Variants in GSN observed in about 807,000 individuals in gnomAD.
GSN encodes gelsolin, also known as actin-depolymerizing factor.
In GSN, 56 loss-of-function variants were observed where a neutral mutation model predicts 85.7. The ratio of observed to expected loss-of-function variants is 0.65; its 90% CI spans 0.53 to 0.82. GSN has a LOEUF of 0.82. Among genes scored for constraint, GSN ranks in the 40% least tolerant of loss-of-function variants. GSN has a pLI of 0.00. For synonymous variants in GSN, 373 were observed against 399.1 expected (o/e 0.93, Z 0.78); for missense variants, 857 against 979.8 (o/e 0.87, Z 1.67).
At chr9:121,288,145 T>TTGAACTCC (rs2058337102) in intron 2 of GSN, among the ~76,000 whole-genome samples, 2 of 152,128 alleles carry the variant, frequency 1.3e-5, no homozygotes, top group African/African-American at 4.8e-5. Flanking sequence ...CAGGCTGATC[T>TTGAACTCC]TGAACTCCTG....
At chr9:121,264,808 G>T (rs1317220690), upstream of GSN, among the ~76,000 whole-genome samples, 1 of 152,154 alleles carries the variant, frequency 6.6e-6, no homozygotes, top group Non-Finnish European at 1.5e-5. Context: ...AGCCAGGTTT[G>T]TGCAGTAGGA....
At chr9:121,218,438 C>A (rs2054107696) in intron 4 of GSN, among the ~76,000 whole-genome samples, 1 of 152,102 alleles carries the variant, frequency 6.6e-6, no homozygotes, top group African/African-American at 2.4e-5. Context: ...GGTTCAAGAC[C>A]AGCCTGGCCA....
At chr9:121,313,579 TC>T in intron 6 of GSN, 1 of 357,944 alleles carries the variant, frequency 2.8e-6, no homozygotes, top group Non-Finnish European at 5.4e-6. Flanking sequence ...AATCTGTGCC[TC>T]CTGGCCTGGC....
intron 4 of GSN, among the ~76,000 whole-genome samples, chr9:121,228,350 T>G (rs1327558941): frequency 6.7e-6 from 1 of 148,648 alleles, no homozygotes; most frequent in Non-Finnish European, 1.5e-5. Context: ...TTGTTGAGCA[T>G]CTACTGTGTG....
chr9:121,235,209 G>T (rs113561738), intron 5 of GSN, among the ~76,000 whole-genome samples: 3,631 of 152,286 alleles, frequency 0.024, 61 homozygotes, highest in Non-Finnish European at 0.038. Context: ...TTTCCATCTG[G>T]CCAGAGAAAA....
chr9:121,251,275 G>C (rs932355077), intron 6 of GSN, among the ~76,000 whole-genome samples: 2 of 132,914 alleles, frequency 1.5e-5, no homozygotes, highest in Middle Eastern at 5.1e-3. Context: ...TCCGTCTCCC[G>C]GGTTCAAGTG....
At chr9:121,305,887 C>A (rs1015728725) in intron 4 of GSN, among the ~76,000 whole-genome samples, 4 of 152,214 alleles carry the variant, frequency 2.6e-5, no homozygotes, top group African/African-American at 9.6e-5. Flanking sequence ...AGGAGCAGGG[C>A]TTGTTATGCA....
intron 10 of GSN, among the ~76,000 whole-genome samples, chr9:121,320,856 A>T (rs868550083): frequency 7.9e-5 from 12 of 152,088 alleles, no homozygotes; most frequent in Admixed American, 1.3e-4. Context: ...AGGTACTATG[A>T]TTATCCCCAT....
chr9:121,287,472 G>C (rs1465143251), intron 2 of GSN, among the ~76,000 whole-genome samples: 1 of 152,062 alleles, frequency 6.6e-6, no homozygotes, highest in Non-Finnish European at 1.5e-5. Flanking sequence ...GAGGCTAGGG[G>C]TGGGGCCTGG....
At chr9:121,226,615 C>T (rs1408636211) in intron 4 of GSN, among the ~76,000 whole-genome samples, 1 of 152,198 alleles carries the variant, frequency 6.6e-6, no homozygotes, top group Admixed American at 6.5e-5. Flanking sequence ...TGGCACAGAG[C>T]TCCTAAAATT....
At chr9:121,202,760 C>A in the GSN span, among the ~76,000 whole-genome samples, 340 of 152,266 alleles carry the variant, frequency 2.2e-3, no homozygotes, top group Non-Finnish European at 3.6e-3. Flanking sequence ...TTGATATAAA[C>A]ATGACGTATC....
chr9:121,321,404 G>A lies in GSN; in HGVS notation c.1325+3G>A, dbSNP rs2062428547. On this transcript the variant is annotated splice_donor_region_variant and intron_variant, in intron 11 of 17. Coordinates refer to ENST00000432226, the MANE Select transcript of GSN (RefSeq NM_198252.3). ...CAGGGGCAGATAATCTATAACTGGT[G>A]AGGTTCTGGGGCCATTGGTGTGTGT... 1.2e-6 allele frequency: 2 copies of A among 1,613,902 alleles called. No individual in the cohort carries two copies. The highest frequency in any genetic ancestry group is 1.7e-6 in the Non-Finnish European group (2 of 1,179,816).
At chr9:121,277,028 C>T (rs1242362490) in intron 1 of GSN, among the ~76,000 whole-genome samples, 1 of 152,156 alleles carries the variant, frequency 6.6e-6, no homozygotes. Flanking sequence ...ATTTCTCTCT[C>T]TAACCTATTC....
At chr9:121,258,863 C>G (rs1279462108) in intron 6 of GSN, among the ~76,000 whole-genome samples, 9 of 152,192 alleles carry the variant, frequency 5.9e-5, no homozygotes, top group African/African-American at 2.2e-4. Flanking sequence ...ATCATCTGTT[C>G]ATCCTGCCTT....
chr9:121,314,459 T>A (rs1399986270), intron 7 of GSN, among the ~76,000 whole-genome samples: 2 of 152,352 alleles, frequency 1.3e-5, no homozygotes, highest in East Asian at 3.9e-4. Flanking sequence ...TTCTTGTGAT[T>A]TTCACAACTG....
chr9:121,282,345 C>T (rs1359457778), intron 2 of GSN: 2 of 607,232 alleles, frequency 3.3e-6, no homozygotes, highest in East Asian at 3.0e-5. Flanking sequence ...GCCCAGCTTC[C>T]AACACCCAAA....
upstream of GSN, among the ~76,000 whole-genome samples, chr9:121,263,253 G>A (rs2055124918): frequency 6.6e-6 from 1 of 152,192 alleles, no homozygotes; most frequent in South Asian, 2.1e-4. Context: ...GTGTGGAGTT[G>A]CGAGTAGAAA....
intron 4 of GSN, among the ~76,000 whole-genome samples, chr9:121,228,435 T>A (rs1284258802): frequency 0.02 from 2,356 of 116,080 alleles, 194 homozygotes; most frequent in African/African-American, 0.089. Flanking sequence ...TTTTTTTTTT[T>A]TTTTTTTTTT....
At position 121,318,805 on chromosome 9, in the gene GSN, C is replaced by T. The variant is rs570941875; in HGVS notation, c.1116C>T (p.Asp372=). The part of the protein sequence containing the change: ...HIANVERVPF[D]AATLHTSTAM... ...CCAACGTGGAGCGGGTGCCCTTCGA[C>T]GCCGCCACCCTGCACACCTCCACTG... is the stretch of plus-strand genomic sequence containing the variant. Residue 372 remains aspartate (D), a synonymous_variant, in exon 10 of 18, where the codon GAC becomes GAT. Coordinates refer to ENST00000432226, the MANE Select transcript of GSN (RefSeq NM_198252.3). This position sits in a 1 kb window ranked among gnomAD's most constrained non-coding sequence, Gnocchi z 4.3. The T allele has an allele frequency of 2.9e-5, 47 of 1,614,112 alleles. No homozygotes were observed. Among genetic ancestry groups the T allele is most frequent in the African/African-American group, 1.5e-4 (11 of 75,056 alleles).
Sources: gnomAD v4.1 joint callset for allele counts (sites outside exome capture counted in the v4.1 genomes callset) on GRCh38, gnomAD v4.1.1 for gene constraint, Gnocchi (gnomAD v3.1) non-coding constraint, MANE v1.5 for transcripts, NCBI Gene and HGNC (gene_info 2026-07-23, HGNC 2026-07-21) for gene names.